MAMSTR: variants seen among roughly 807,000 people sequenced by gnomAD.
MAMSTR encodes the protein MEF2-activating motif and SAP domain-containing transcriptional regulator.
In MAMSTR, 41 loss-of-function variants were observed where a neutral mutation model predicts 42.7. That is an observed-to-expected ratio of 0.96 (90% CI 0.75 to 1.25). The LOEUF is 1.25. Among genes scored for constraint, MAMSTR ranks in the 50% most tolerant of loss-of-function variants. The pLI, the probability that MAMSTR is intolerant of heterozygous loss-of-function variation, is 0.00. For missense variants in MAMSTR, 567 were observed against 557.6 expected (o/e 1.02, Z -0.17); for synonymous variants, 265 against 244.1 (o/e 1.09, Z -0.80).
Position 48,714,064 on chromosome 19 carries a change from C to G in MAMSTR, c.724-19G>C, listed in dbSNP as rs953799788. On this transcript the variant is annotated intron_variant, in intron 7 of 9. Coordinates refer to ENST00000318083, the MANE Select transcript of MAMSTR (RefSeq NM_001130915.2). ...GCTTGACCTAGAGCAGCCAAGAGGG[C>G]GAGCGCCCATAAGCCATGCCCACAG... 1.2e-5 allele frequency: 19 copies of G among 1,556,248 alleles called. No individual in the cohort carries two copies. Among genetic ancestry groups the G allele is most frequent in the East Asian group, 6.8e-5 (3 of 44,310 alleles).
chr19:48,714,730 C>A, intron 6 of MAMSTR, 76 bp downstream of exon 6: 1 of 1,352,052 alleles, frequency 7.4e-7, no homozygotes. Flanking sequence ...TTCCAGAGGG[C>A]AGAGGCTGCG....
the MAMSTR span, among the ~76,000 whole-genome samples, chr19:48,706,337 G>A: frequency 1.8e-3 from 272 of 150,426 alleles, 1 homozygote; most frequent in Non-Finnish European, 3.3e-3. Context: ...TTACAAGTCT[G>A]GATCAAAAAG....
the MAMSTR span, among the ~76,000 whole-genome samples, chr19:48,706,888 A>G: frequency 2.0e-5 from 3 of 151,436 alleles, no homozygotes; most frequent in African/African-American, 7.3e-5. Flanking sequence ...CTTGAGAGCA[A>G]GAGTTCAAGA....
chr19:48,710,815 C>T (rs1217036624), downstream of MAMSTR, among the ~76,000 whole-genome samples: 2 of 152,002 alleles, frequency 1.3e-5, no homozygotes, highest in African/African-American at 2.4e-5. Flanking sequence ...TCTCGAACTC[C>T]TGACCTCATG....
intron 3 of MAMSTR, among the ~76,000 whole-genome samples, 160 bp downstream of exon 3, chr19:48,716,545 C>G (rs1006622115): frequency 5.3e-5 from 8 of 151,950 alleles, no homozygotes; most frequent in Non-Finnish European, 1.0e-4. Context: ...AGACCTGGAC[C>G]CTGGATCCTT....
At chr19:48,707,824 GAC>G (rs1491084737), downstream of MAMSTR, among the ~76,000 whole-genome samples, 3,442 of 69,114 alleles carry the variant, frequency 0.05, 92 homozygotes, top group African/African-American at 0.12. Flanking sequence ...AAGAAAGAAA[GAC>G]AAAGAAAGAA....
downstream of MAMSTR, among the ~76,000 whole-genome samples, chr19:48,710,711 C>T (rs1434227991): frequency 6.6e-6 from 1 of 151,674 alleles, no homozygotes; most frequent in African/African-American, 2.4e-5. Flanking sequence ...ATTCTCCTGC[C>T]TCAGCCTCCT....
chr19:48,714,264 G>A (rs1390626815), intron 7 of MAMSTR, 102 bp downstream of exon 7: 2 of 1,079,012 alleles, frequency 1.9e-6, no homozygotes, highest in Non-Finnish European at 2.5e-6. Context: ...TCCTACCGCT[G>A]GTCCTCGCCC....
At chr19:48,710,160 T>C (rs1446774264), downstream of MAMSTR, among the ~76,000 whole-genome samples, 1 of 151,794 alleles carries the variant, frequency 6.6e-6, no homozygotes, top group Non-Finnish European at 1.5e-5. Flanking sequence ...GGAGTCTCAC[T>C]GTGTTGCCCA....
intron 2 of MAMSTR, 200 bp from the exon 3 acceptor site, chr19:48,716,943 G>C (rs1317875044): frequency 1.3e-5 from 15 of 1,189,972 alleles, no homozygotes; most frequent in Non-Finnish European, 1.6e-5. Flanking sequence ...GCAGCGCCGC[G>C]GGCCAGCGCC....
downstream of MAMSTR, among the ~76,000 whole-genome samples, chr19:48,708,231 C>CAAAAAAAAAAAA (rs66744711): frequency 1.7e-5 from 2 of 118,854 alleles, no homozygotes; most frequent in African/African-American, 6.1e-5. Context: ...TGAACTCCAT[C>CAAAAAAAAAAAA]AAAAAAAAAA....
In MAMSTR at chr19:48,714,370, C is replaced by T. The variant is rs1167848900; in HGVS notation, c.719G>A (p.Gly240Asp). 8 of 1,365,816 alleles carry T rather than the reference C, an allele frequency of 5.9e-6. No individual in the cohort carries two copies. The highest frequency in any genetic ancestry group is 7.5e-6 in the Non-Finnish European group (8 of 1,066,972). The allele number at this position is 1,365,816 out of a possible 1,614,324, so 84.6% of individuals were successfully genotyped here. A position where few individuals can be genotyped will look rare whatever the true frequency, so the allele number is the denominator to read the frequency against. The change falls in exon 7 of 10, where the codon GGC becomes GAC. Residue 240 changes from glycine to aspartate, a missense_variant. Gly to Asp is a moderately conservative substitution (Grantham distance 94). Coordinates refer to ENST00000318083, the MANE Select transcript of MAMSTR (RefSeq NM_001130915.2). ...AGCTCATAGCCCCGCCCTCACCGAG[C>T]CCTGACGCCGGGCGGCTGCCAGGGC... Reference protein sequence around the residue: ...PKALAAARRQGSVKPSAASHR... With the variant: ...PKALAAARRQDSVKPSAASHR...
At chr19:48,707,851 GAAA>G (rs1568463988), downstream of MAMSTR, among the ~76,000 whole-genome samples, 18 of 88,330 alleles carry the variant, frequency 2.0e-4, no homozygotes, top group Non-Finnish European at 3.6e-4. Flanking sequence ...AAGAAAGAAA[GAAA>G]GAAAGAAAGA....
intron 9 of MAMSTR, 27 bp downstream of exon 9, chr19:48,713,689 C>T (rs775402416): frequency 2.5e-6 from 4 of 1,614,036 alleles, no homozygotes; most frequent in Non-Finnish European, 3.4e-6. Flanking sequence ...CCCCCACCTC[C>T]CCTAAATCTA....
chr19:48,718,920 A>T, intron 2 of MAMSTR, 54 bp downstream of exon 2: 2 of 1,302,692 alleles, frequency 1.5e-6, no homozygotes, highest in Non-Finnish European at 2.2e-6. Flanking sequence ...CCCACCCCAG[A>T]GTACAGCATT....
rs935776445 is a variant in MAMSTR at position 48,713,489 on chromosome 19, C to T, written c.1026G>A (p.Pro342=). ...AAACAGATGAGAGGCCTTCAGAGTC[C>T]GGGGAGGGGGACAGCACGTCGAAGG... ...PGSFDVLSPS[P]DSEGLSSVFS... Residue 342 remains proline (P), a synonymous_variant, in exon 10 of 10, where the codon CCG becomes CCA. Transcript: ENST00000318083. 14 of 1,611,532 alleles carry T rather than the reference C, an allele frequency of 8.7e-6. No individual in the cohort carries two copies. Among genetic ancestry groups the T allele is most frequent in the Admixed American group, 3.4e-5 (2 of 59,678 alleles).
the MAMSTR span, among the ~76,000 whole-genome samples, chr19:48,707,147 G>T: frequency 1.3e-5 from 2 of 148,432 alleles, no homozygotes; most frequent in South Asian, 4.4e-4. Context: ...GGCCAGGCGT[G>T]GTGGCTCACG....
chr19:48,716,905 T>G (rs2033062234), intron 2 of MAMSTR, 162 bp from the exon 3 acceptor site: 1 of 1,213,578 alleles, frequency 8.2e-7, no homozygotes, highest in Non-Finnish European at 1.0e-6. Flanking sequence ...GCTCCCTTCC[T>G]CGGGCCTCCC....
rs577078584 is a variant in MAMSTR, at chr19:48,714,142, G to T, written c.724-97C>A. The T allele has an allele frequency of 3.8e-6, 5 of 1,330,982 alleles. No homozygotes were observed. The East Asian group carries it at 1.0e-4, about 27-fold the overall frequency. 82.4% of individuals were successfully genotyped at this position (1,330,982 alleles called of 1,614,324 possible). ...TGGCTCCACCCCTTGATCCTCTCGC[G>T]ACCCCTCGCTCATCAACCCCTTTGG... On this transcript the variant is annotated intron_variant, in intron 7 of 9. Coordinates refer to ENST00000318083, the MANE Select transcript of MAMSTR (RefSeq NM_001130915.2).
Sources: allele counts gnomAD v4.1 joint callset (sites outside exome capture counted in the v4.1 genomes callset), GRCh38; gene constraint gnomAD v4.1.1; transcripts MANE v1.5; gene names NCBI Gene and HGNC (gene_info 2026-07-23, HGNC 2026-07-21).